The following ANXA9 variants were observed in gnomAD, a reference collection of about 807,000 sequenced individuals.
The protein encoded by ANXA9 is annexin 31.
ANXA9 carries 47 observed loss-of-function variants against 51.8 expected under a neutral mutation model. The ratio of observed to expected loss-of-function variants is 0.91; its 90% CI spans 0.72 to 1.16. The LOEUF is 1.16. Ranked by LOEUF, ANXA9 falls within the 50% of genes most tolerant of loss-of-function variation. ANXA9 has a pLI of 0.00. For synonymous variants in ANXA9, 154 were observed against 168.7 expected (o/e 0.91, Z 0.68); for missense variants, 361 against 424.7 (o/e 0.85, Z 1.32).
chr1:150,980,428 A>T (rs1215236174), upstream of ANXA9, among the ~76,000 whole-genome samples: 1 of 151,994 alleles, frequency 6.6e-6, no homozygotes, highest in Admixed American at 6.6e-5. Context: ...TTAATGAAAT[A>T]TTTGGGTCAT....
At position 150,983,183 on chromosome 1, in the gene ANXA9, A is replaced by G. The variant is rs754540103; in HGVS notation, c.75+3A>G. 5.6e-6 allele frequency: 9 copies of G among 1,613,608 alleles called. No individual in the cohort carries two copies. Among genetic ancestry groups the G allele is most frequent in the African/African-American group, 1.3e-5 (1 of 74,888 alleles). On this transcript the variant is annotated splice_donor_region_variant and intron_variant, in intron 3 of 13. Transcript: ENST00000368947. The stretch of plus-strand genomic sequence containing the variant: ...GCCACCTGGGCCTGGCCAGCAAGGT[A>G]GGGGCTGTTGGGATTTTAGAGATCA...
At chr1:150,979,779 A>G (rs1456932588), upstream of ANXA9, among the ~76,000 whole-genome samples, 2 of 152,186 alleles carry the variant, frequency 1.3e-5, no homozygotes, top group Non-Finnish European at 2.9e-5. Context: ...TTACCATATA[A>G]CAATACTTAT....
intron 4 of ANXA9, 121 bp from the exon 5 acceptor site, chr1:150,983,854 G>C: frequency 1.1e-6 from 1 of 892,006 alleles, no homozygotes; most frequent in Non-Finnish European, 1.7e-6. Context: ...AAGTGGGGGT[G>C]ATATAGCCCC....
At chr1:150,990,364 G>GGA (rs66700623) in intron 12 of ANXA9, among the ~76,000 whole-genome samples, 1 of 149,156 alleles carries the variant, frequency 6.7e-6, no homozygotes, top group Admixed American at 6.7e-5. Context: ...CCATTTTTCT[G>GGA]AAAAAAAAAA....
At chr1:150,981,913 GC>G, upstream of ANXA9, 1 of 152,402 alleles carries the variant, frequency 6.6e-6, no homozygotes, top group African/African-American at 2.4e-5. Context: ...TCAGCCTGCA[GC>G]CTGTCTGACC....
intron 12 of ANXA9, among the ~76,000 whole-genome samples, chr1:150,991,703 G>A (rs587753559): frequency 1.3e-5 from 2 of 151,896 alleles, no homozygotes; most frequent in Non-Finnish European, 2.9e-5. Context: ...CACCACATCC[G>A]GCTAATTTTT....
upstream of ANXA9, among the ~76,000 whole-genome samples, chr1:150,978,173 A>C (rs1466856289): frequency 7.0e-6 from 1 of 141,992 alleles, no homozygotes; most frequent in Non-Finnish European, 1.5e-5. Flanking sequence ...ATTCATGCCT[A>C]TAATTCCAGC....
intron 4 of ANXA9, among the ~76,000 whole-genome samples, chr1:150,983,701 G>A (rs998815572): frequency 3.5e-4 from 53 of 152,098 alleles, no homozygotes; most frequent in African/African-American, 1.3e-3. Context: ...TCATGACGGA[G>A]GTGGTATTCT....
chr1:150,980,059 C>T (rs1184759902), upstream of ANXA9, among the ~76,000 whole-genome samples: 1 of 152,108 alleles, frequency 6.6e-6, no homozygotes, highest in Admixed American at 6.6e-5. Flanking sequence ...TTGGGGTTGT[C>T]AGGTGAAATA....
chr1:150,981,901 A>G (rs1671421674), upstream of ANXA9: 1 of 152,228 alleles, frequency 6.6e-6, no homozygotes, highest in Admixed American at 6.5e-5. Flanking sequence ...TCAGCCTTGA[A>G]ATCAGCCTGC....
chr1:150,987,880 G>A lies in ANXA9; in HGVS notation c.621G>A (p.Gln207=), dbSNP rs1179104327. 1.9e-6 allele frequency: 3 copies of A among 1,614,000 alleles called. No homozygotes were observed. The highest frequency in any genetic ancestry group is 2.5e-6 in the Non-Finnish European group (3 of 1,179,950). The change falls in exon 10 of 14, where the codon CAG becomes CAA. Residue 207 remains glutamine, a synonymous_variant. Transcript: ENST00000368947. ...TCATTCCTCCCTCCTAGGCACTGCA[G>A]CGGGCAGAAGGACCTAGCAGAGAGG... The part of the protein sequence containing the change: ...NLAEQDVQAL[Q]RAEGPSREET...
intron 5 of ANXA9, 61 bp from the exon 6 acceptor site, chr1:150,984,220 C>A: frequency 1.3e-6 from 2 of 1,565,072 alleles, no homozygotes; most frequent in Non-Finnish European, 1.8e-6. Context: ...CAAACCTCCC[C>A]ACACTTCTGG....
intron 9 of ANXA9, 45 bp from the exon 10 acceptor site, chr1:150,987,827 C>T: frequency 6.5e-7 from 1 of 1,549,582 alleles, no homozygotes; most frequent in Non-Finnish European, 8.9e-7. Context: ...AGGCCCCAAC[C>T]AATGATCCTG....
At chr1:150,988,561 C>A (rs1671625230) in intron 12 of ANXA9, among the ~76,000 whole-genome samples, 1 of 152,150 alleles carries the variant, frequency 6.6e-6, no homozygotes, top group Non-Finnish European at 1.5e-5. Flanking sequence ...AACATTTTGG[C>A]CTTGTTAATG....
chr1:150,993,563 G>C (rs1671756558), intron 12 of ANXA9, among the ~76,000 whole-genome samples: 1 of 149,986 alleles, frequency 6.7e-6, no homozygotes, highest in Admixed American at 6.6e-5. Flanking sequence ...GCTTGCCTTG[G>C]CCTCCCAAAA....
chr1:150,988,672 T>C (rs758596443), intron 12 of ANXA9, among the ~76,000 whole-genome samples: 16 of 152,334 alleles, frequency 1.1e-4, no homozygotes, highest in South Asian at 4.1e-4. Flanking sequence ...GCAAGAATAA[T>C]GACAAGGGCT....
upstream of ANXA9, among the ~76,000 whole-genome samples, chr1:150,979,837 G>T (rs1374290392): frequency 6.6e-6 from 1 of 152,206 alleles, no homozygotes; most frequent in African/African-American, 2.4e-5. Flanking sequence ...ACAGCGCTGT[G>T]CCCAGAACTC....
In ANXA9 at chr1:150,986,681, G is replaced by A; in HGVS notation, c.612+20G>A. On this transcript the variant is annotated intron_variant, in intron 9 of 13. Coordinates refer to ENST00000368947, the MANE Select transcript of ANXA9 (RefSeq NM_003568.3). ...GTCCAGGTGAGCAGGGGGTTTAGGA[G>A]TGTGCACAGCCGCCATGCACATAAG... 6.3e-7 allele frequency: 1 copy of A among 1,578,812 alleles called. No homozygotes were observed. Among genetic ancestry groups the A allele is most frequent in the African/African-American group, 1.4e-5 (1 of 72,672 alleles).
intron 12 of ANXA9, among the ~76,000 whole-genome samples, chr1:150,993,293 T>C (rs1364015719): frequency 6.6e-6 from 1 of 152,092 alleles, no homozygotes; most frequent in East Asian, 1.9e-4. Flanking sequence ...TTTGATGACT[T>C]GTACCTGTGT....
Sources: allele counts gnomAD v4.1 joint callset (sites outside exome capture counted in the v4.1 genomes callset), GRCh38; gene constraint gnomAD v4.1.1; transcripts MANE v1.5; gene names NCBI Gene and HGNC (gene_info 2026-07-23, HGNC 2026-07-21).